Variants in SYT10 observed in about 807,000 individuals in gnomAD.
The protein encoded by SYT10 is synaptotagmin 10, also known as synaptotagmin-10.
SYT10 carries 31 observed loss-of-function variants against 51.1 expected under a neutral mutation model. The ratio of observed to expected loss-of-function variants is 0.61; its 90% CI spans 0.46 to 0.82. The LOEUF (loss-of-function observed/expected upper bound fraction) is 0.82. Among genes scored for constraint, SYT10 ranks in the 40% least tolerant of loss-of-function variants. The pLI, the probability that SYT10 is intolerant of heterozygous loss-of-function variation, is 0.00. For synonymous variants in SYT10, 233 were observed against 225.9 expected, an observed-to-expected ratio of 1.03 and a Z score of -0.28; for missense variants, 603 against 634.0, an observed-to-expected ratio of 0.95 and a Z score of 0.53.
chr12:33,403,678 T>A (rs1489587877), intron 3 of SYT10, among the ~76,000 whole-genome samples: 7 of 152,218 alleles, frequency 4.6e-5, no homozygotes, highest in South Asian at 4.1e-4. Flanking sequence ...ATTTATTTCC[T>A]CTTATTCTCC....
At position 33,385,265 on chromosome 12, in the gene SYT10, C is replaced by CA. The variant is rs757094632; in HGVS notation, c.1103dup (p.Met368IlefsTer19). On this transcript the variant is annotated frameshift_variant, in exon 4 of 7. Coordinates refer to ENST00000228567, the MANE Select transcript of SYT10 (RefSeq NM_198992.4). LOFTEE classifies it high-confidence loss of function. ...CCGTCGGTAGGTAACAAAGGGAAAA[C>CA]ATGATTTCACCCAGGTCTATACTTT... 13 of 1,613,640 alleles carry CA rather than the reference C, an allele frequency of 8.1e-6. No homozygotes were observed. Among genetic ancestry groups the CA allele is most frequent in the Non-Finnish European group, 1.1e-5 (13 of 1,179,726 alleles).
chr12:33,430,354 G>T (rs1398545546), intron 1 of SYT10, among the ~76,000 whole-genome samples: 1 of 152,156 alleles, frequency 6.6e-6, no homozygotes, highest in East Asian at 1.9e-4. Context: ...ATGCGAATTC[G>T]TCAGAAACTT....
At chr12:33,394,718 A>C (rs1366720204) in intron 3 of SYT10, among the ~76,000 whole-genome samples, 1 of 152,262 alleles carries the variant, frequency 6.6e-6, no homozygotes, top group East Asian at 1.9e-4. Context: ...TAACCATCCC[A>C]GGATTCTAAT....
chr12:33,393,340 C>A (rs1866226653), intron 3 of SYT10, among the ~76,000 whole-genome samples: 1 of 152,136 alleles, frequency 6.6e-6, no homozygotes, highest in Non-Finnish European at 1.5e-5. Context: ...ATGCAAAAAA[C>A]CAGAGACTTA....
At chr12:33,402,847 G>C (rs2138410305) in intron 3 of SYT10, among the ~76,000 whole-genome samples, 1 of 152,114 alleles carries the variant, frequency 6.6e-6, no homozygotes, top group Middle Eastern at 3.4e-3. Context: ...AATCACAAAA[G>C]CCGCTGGTCT....
intron 3 of SYT10, among the ~76,000 whole-genome samples, chr12:33,402,524 C>T (rs1866315581): frequency 6.6e-6 from 1 of 152,186 alleles, no homozygotes; most frequent in Admixed American, 6.5e-5. Flanking sequence ...TACACTGAGG[C>T]ATATACTTTA....
In SYT10 at chr12:33,380,191, C is replaced by T. The variant is rs76679999; in HGVS notation, c.1371-230G>A. Among the ~76,000 whole-genome samples the T allele has an allele frequency of 5.5e-3, 839 of 152,112 alleles. 6 individuals carry two copies. Among genetic ancestry groups the T allele is most frequent in the Admixed American group, 8.4e-3 (129 of 15,270 alleles). ...GAGGCACACACAAACCATTTCAGTG[C>T]TTTGTAGTTTAAGCACATTTCATCA... is the stretch of plus-strand genomic sequence containing the variant. On this transcript the variant is annotated intron_variant, in intron 5 of 6. Transcript: ENST00000228567.
chr12:33,429,113 A>G (rs1591998342), intron 1 of SYT10, among the ~76,000 whole-genome samples: 2 of 152,184 alleles, frequency 1.3e-5, no homozygotes, highest in East Asian at 3.9e-4. Context: ...AAGAATGGAT[A>G]GGCAATTAAG....
intron 2 of SYT10, among the ~76,000 whole-genome samples, chr12:33,412,095 A>T (rs1385387377): frequency 1.3e-5 from 2 of 152,012 alleles, no homozygotes; most frequent in African/African-American, 4.8e-5. Context: ...TTAATTCTTT[A>T]TTTTTTTATA....
At chr12:33,379,328 C>G (rs772045616) in intron 6 of SYT10, among the ~76,000 whole-genome samples, 1 of 151,896 alleles carries the variant, frequency 6.6e-6, no homozygotes, top group African/African-American at 2.4e-5. Context: ...TTTTAAAAAC[C>G]TGTGGGCAGT....
intron 3 of SYT10, among the ~76,000 whole-genome samples, chr12:33,387,896 C>T (rs1270275183): frequency 3.3e-5 from 5 of 152,082 alleles, no homozygotes; most frequent in Admixed American, 1.3e-4. Context: ...GCATGTACCA[C>T]CAAGCCTGGT....
Position 33,439,592 on chromosome 12 carries a change from C to G in SYT10, c.-70G>C. The G allele has an allele frequency of 6.4e-7, 1 of 1,555,870 alleles. No individual in the cohort carries two copies. Among genetic ancestry groups the G allele is most frequent in the Non-Finnish European group, 8.7e-7 (1 of 1,147,314 alleles). On this transcript the variant is annotated 5_prime_UTR_variant, in exon 1 of 7. Transcript: ENST00000228567. ...TCTTTTCCTCTTCCCGTACCTCTAA[C>G]CCCTCTGGCGCCCTAAGCCATAGTC...
chr12:33,380,247 G>C (rs185548356), intron 5 of SYT10, among the ~76,000 whole-genome samples: 50 of 152,294 alleles, frequency 3.3e-4, no homozygotes, highest in Admixed American at 3.1e-3. Flanking sequence ...AGAAATACCA[G>C]TAGGTCTTTA....
At chr12:33,427,607 C>T (rs771539991) in intron 1 of SYT10, among the ~76,000 whole-genome samples, 14 of 152,064 alleles carry the variant, frequency 9.2e-5, no homozygotes, top group East Asian at 1.9e-4. Flanking sequence ...AAAAATAAAA[C>T]GAAAATTATG....
intron 3 of SYT10, among the ~76,000 whole-genome samples, chr12:33,387,816 C>T (rs1866170304): frequency 1.3e-5 from 2 of 148,352 alleles, no homozygotes; most frequent in African/African-American, 2.5e-5. Context: ...GTAGTGCAAC[C>T]ATTGCTCATG....
chr12:33,394,686 T>C (rs1866238533), intron 3 of SYT10, among the ~76,000 whole-genome samples: 1 of 152,264 alleles, frequency 6.6e-6, no homozygotes, highest in South Asian at 2.1e-4. Flanking sequence ...AAGCAACTTA[T>C]TCTAAGCGAT....
chr12:33,393,453 C>G (rs547969753), intron 3 of SYT10, among the ~76,000 whole-genome samples: 1 of 152,248 alleles, frequency 6.6e-6, no homozygotes, highest in African/African-American at 2.4e-5. Context: ...AATATTTTTA[C>G]AAAATTCTTA....
chr12:33,416,921 T>C (rs1165244251), intron 2 of SYT10, among the ~76,000 whole-genome samples: 1 of 152,158 alleles, frequency 6.6e-6, no homozygotes, highest in African/African-American at 2.4e-5. Context: ...GATAGGAGCA[T>C]TGATAGTTAA....
chr12:33,435,449 G>C (rs1306733806), intron 1 of SYT10, among the ~76,000 whole-genome samples: 1 of 152,186 alleles, frequency 6.6e-6, no homozygotes, highest in African/African-American at 2.4e-5. Flanking sequence ...AGACATAGTA[G>C]AAGTTGGCCA....
Sources: allele counts gnomAD v4.1 joint callset (sites outside exome capture counted in the v4.1 genomes callset), GRCh38; gene constraint gnomAD v4.1.1; transcripts MANE v1.5; gene names NCBI Gene and HGNC (gene_info 2026-07-23, HGNC 2026-07-21).